Variants in OPCML observed in about 807,000 individuals in gnomAD.
The protein encoded by OPCML is opioid binding protein/cell adhesion molecule like, also known as opioid-binding protein/cell adhesion molecule.
Under a neutral mutation model 37.8 loss-of-function variants are expected in OPCML, and 13 were observed. The ratio of observed to expected loss-of-function variants is 0.34; its 90% CI spans 0.22 to 0.55. The LOEUF (loss-of-function observed/expected upper bound fraction) is 0.55. Ranked by LOEUF, OPCML falls within the 20% of genes least tolerant of loss-of-function variation. The probability of loss-of-function intolerance (pLI) is 0.91; values close to 1 mark genes in which losing one functional copy is unlikely to be tolerated. For missense variants in OPCML, 341 were observed against 435.6 expected (o/e 0.78, Z 1.93); for synonymous variants, 176 against 168.8 (o/e 1.04, Z -0.33).
At chr11:132,616,053 C>G (rs1938990075) in intron 3 of OPCML, among the ~76,000 whole-genome samples, 1 of 152,160 alleles carries the variant, frequency 6.6e-6, no homozygotes, top group African/African-American at 2.4e-5. Context: ...AAAAAGATAC[C>G]TCAGGATATT....
chr11:133,247,540 T>TTTTCTTTATTTC (rs1940972383), intron 1 of OPCML, among the ~76,000 whole-genome samples: 1 of 122,408 alleles, frequency 8.2e-6, no homozygotes, highest in Admixed American at 9.5e-5. Flanking sequence ...CTTTCCTTCT[T>TTTTCTTTATTTC]TTTCTTTCTT....
chr11:132,623,637 C>T (rs3889670), intron 3 of OPCML, among the ~76,000 whole-genome samples: 9,527 of 152,000 alleles, frequency 0.063, 565 homozygotes, highest in East Asian at 0.29. Flanking sequence ...ATATATCATC[C>T]GACATATCCT....
At chr11:133,042,508 T>G (rs922275586) in intron 1 of OPCML, among the ~76,000 whole-genome samples, 4 of 152,130 alleles carry the variant, frequency 2.6e-5, no homozygotes, top group African/African-American at 9.7e-5. Flanking sequence ...AGTGCTGGTG[T>G]TGTATCCACA....
At chr11:132,740,418 T>C (rs763145360) in intron 2 of OPCML, among the ~76,000 whole-genome samples, 4 of 152,152 alleles carry the variant, frequency 2.6e-5, no homozygotes, top group Admixed American at 6.6e-5. Flanking sequence ...GGTTTTGTAT[T>C]AAATAAAACA....
At chr11:133,513,552 T>C (rs553906598) in intron 1 of OPCML, among the ~76,000 whole-genome samples, 1 of 152,348 alleles carries the variant, frequency 6.6e-6, no homozygotes, top group South Asian at 2.1e-4. Context: ...GCTAGTTTCT[T>C]CCTTCCTTGC....
At chr11:132,486,311 G>A (rs1449860256) in intron 4 of OPCML, among the ~76,000 whole-genome samples, 1 of 152,116 alleles carries the variant, frequency 6.6e-6, no homozygotes, top group Non-Finnish European at 1.5e-5. Context: ...TCATTTGTGA[G>A]CCCCACAATG....
At chr11:132,649,569 A>G (rs921914785) in intron 3 of OPCML, among the ~76,000 whole-genome samples, 1 of 151,956 alleles carries the variant, frequency 6.6e-6, no homozygotes, top group Non-Finnish European at 1.5e-5. Flanking sequence ...CCCTTCCTTT[A>G]TGTGTTATAG....
intron 1 of OPCML, among the ~76,000 whole-genome samples, chr11:133,143,301 A>G (rs1361727132): frequency 1.3e-5 from 2 of 152,164 alleles, no homozygotes; most frequent in African/African-American, 4.8e-5. Flanking sequence ...GTGGAACACT[A>G]TCATTAGCTT....
intron 3 of OPCML, among the ~76,000 whole-genome samples, chr11:132,597,884 G>C (rs184198772): frequency 6.6e-6 from 1 of 152,084 alleles, no homozygotes; most frequent in African/African-American, 2.4e-5. Flanking sequence ...TTTTAATGTG[G>C]CATAGCTTCC....
chr11:132,777,110 C>T (rs1443345192), intron 2 of OPCML, among the ~76,000 whole-genome samples: 1 of 152,182 alleles, frequency 6.6e-6, no homozygotes, highest in Non-Finnish European at 1.5e-5. Context: ...AGGACTGGGG[C>T]TCCACTTTCT....
At chr11:133,244,381 G>A (rs528240409) in intron 1 of OPCML, among the ~76,000 whole-genome samples, 2 of 152,126 alleles carry the variant, frequency 1.3e-5, no homozygotes, top group South Asian at 4.2e-4. Flanking sequence ...CCCCCAAAAT[G>A]TTAGCCATTA....
At chr11:132,439,847 C>T (rs754228480) in intron 4 of OPCML, among the ~76,000 whole-genome samples, 2 of 152,162 alleles carry the variant, frequency 1.3e-5, no homozygotes, top group Non-Finnish European at 2.9e-5. Context: ...AACACATGGG[C>T]TACCTGCTGA....
At chr11:133,207,842 T>C (rs141786907) in intron 1 of OPCML, among the ~76,000 whole-genome samples, 2 of 152,290 alleles carry the variant, frequency 1.3e-5, no homozygotes, top group Non-Finnish European at 2.9e-5. Context: ...CCCTGTGGCA[T>C]CTTTCCTTCC....
rs188262129 is a variant in OPCML at position 133,087,878 on chromosome 11, C to T, written c.62-144868G>A. 8.9e-4 allele frequency among the ~76,000 whole-genome samples: 136 copies of T among 152,326 alleles called. 1 individual carries two copies. The South Asian group carries it at 0.021, about 23-fold the overall frequency. ...TCAAAGCCCTCATCTGTAAAACGGG[C>T]ACTCAGCTCTCTTACTAGACGGTTA... is the stretch of plus-strand genomic sequence containing the variant. On this transcript the variant is annotated intron_variant, in intron 1 of 7. Coordinates refer to ENST00000524381, the MANE Select transcript of OPCML (RefSeq NM_001012393.5).
chr11:133,009,501 A>G (rs944607296), intron 1 of OPCML, among the ~76,000 whole-genome samples: 4 of 152,242 alleles, frequency 2.6e-5, no homozygotes, highest in African/African-American at 7.2e-5. Context: ...CAGTAGCCAT[A>G]TAGTATTCAG....
chr11:133,261,712 A>C (rs1941500824), intron 1 of OPCML, among the ~76,000 whole-genome samples: 2 of 152,208 alleles, frequency 1.3e-5, no homozygotes, highest in African/African-American at 4.8e-5. Flanking sequence ...GAAGGAAGAG[A>C]GGGTGGAGAA....
At chr11:133,041,193 T>C (rs774808681) in intron 1 of OPCML, among the ~76,000 whole-genome samples, 1 of 152,240 alleles carries the variant, frequency 6.6e-6, no homozygotes, top group Non-Finnish European at 1.5e-5. Context: ...GGTTTTAATC[T>C]GTGTGATGAG....
At chr11:132,772,399 T>A (rs1460068678) in intron 2 of OPCML, 3 of 152,144 alleles carry the variant, frequency 2.0e-5, no homozygotes, top group African/African-American at 7.2e-5. Flanking sequence ...AGCTCCTTGG[T>A]GAAAATGTAG....
chr11:133,477,921 A>G (rs953669103), intron 1 of OPCML, among the ~76,000 whole-genome samples: 8 of 152,206 alleles, frequency 5.3e-5, no homozygotes, highest in African/African-American at 1.9e-4. Flanking sequence ...CAAATTAGAT[A>G]TATTTTGAGG....
Sources: gnomAD v4.1 joint callset for allele counts (sites outside exome capture counted in the v4.1 genomes callset) on GRCh38, gnomAD v4.1.1 for gene constraint, MANE v1.5 for transcripts, NCBI Gene and HGNC (gene_info 2026-07-23, HGNC 2026-07-21) for gene names.